Variants in STK36 observed in about 807,000 individuals in gnomAD.
STK36 encodes serine/threonine-protein kinase 36.
Under a neutral mutation model 142.2 loss-of-function variants are expected in STK36, and 116 were observed. The ratio of observed to expected loss-of-function variants is 0.82; its 90% CI spans 0.70 to 0.95. The LOEUF is 0.95. Among genes scored for constraint, STK36 ranks in the 40% least tolerant of loss-of-function variants. The pLI, the probability that STK36 is intolerant of heterozygous loss-of-function variation, is 0.00. For synonymous variants in STK36, 619 were observed against 641.7 expected, an observed-to-expected ratio of 0.96 and a Z score of 0.53; for missense variants, 1,422 against 1,617.2, an observed-to-expected ratio of 0.88 and a Z score of 2.07.
chr2:218,688,964 T>C (rs906167919), intron 12 of STK36, 88 bp downstream of exon 12: 2 of 1,330,520 alleles, frequency 1.5e-6, no homozygotes, highest in African/African-American at 1.5e-5. Context: ...CTCTTTGGTC[T>C]GACTGCCTTT....
chr2:218,674,533 C>T (rs1940146462), intron 4 of STK36, among the ~76,000 whole-genome samples: 1 of 152,196 alleles, frequency 6.6e-6, no homozygotes. Context: ...ATTATTGCAG[C>T]ATTCTCTTTC....
chr2:218,681,376 C>T (rs908437422), intron 10 of STK36, among the ~76,000 whole-genome samples: 2 of 152,216 alleles, frequency 1.3e-5, no homozygotes, highest in African/African-American at 4.8e-5. Flanking sequence ...ATCTGCCTGC[C>T]TCAGCCTCCC....
chr2:218,695,594 C>T (rs1385094196), intron 21 of STK36, among the ~76,000 whole-genome samples: 2 of 131,594 alleles, frequency 1.5e-5, no homozygotes, highest in Non-Finnish European at 3.0e-5. Flanking sequence ...AGTGTAGTGG[C>T]ACGATCTTGG....
chr2:218,673,388 C>A, intron 2 of STK36: 1 of 532,576 alleles, frequency 1.9e-6, no homozygotes, highest in Non-Finnish European at 3.2e-6. Context: ...AATCAGAACA[C>A]TTCTTCCAGA....
At position 218,679,242 on chromosome 2, in the gene STK36, T is replaced by G. The variant is rs756912511; in HGVS notation, c.759T>G (p.Phe253Leu). 7.0e-5 allele frequency: 113 copies of G among 1,614,074 alleles called. No individual in the cohort carries two copies. The highest frequency in any genetic ancestry group is 8.7e-5 in the Non-Finnish European group (103 of 1,180,034). The part of the protein sequence containing the change: ...LSWPDLLYHP[F>L]IAGHVTIITE... ...GGCCAGACCTCTTATATCACCCCTT[T>G]ATTGCTGGTCATGTCACCAGTGAGT... Residue 253 changes from phenylalanine to leucine, a missense_variant, in exon 7 of 27, where the codon TTT (phenylalanine) becomes TTG (leucine). Transcript: ENST00000295709.
Position 218,696,577 on chromosome 2 carries a change from C to T in STK36, c.2562C>T (p.Ile854=), listed in dbSNP as rs1242620732. Reference sequence around the variant, plus strand: ...GTGGATTCTATGATGGCCTCCTTATCCTTCTGTTGCAGCTCCTCACTGAGG... The same window carrying T: ...GTGGATTCTATGATGGCCTCCTTATTCTTCTGTTGCAGCTCCTCACTGAGG... ...GSCGFYDGLL[I]LLLQLLTEQG... The change falls in exon 22 of 27, where the codon ATC becomes ATT. Residue 854 remains isoleucine, a synonymous_variant. Transcript: ENST00000295709. 1 of 1,614,016 alleles carries T rather than the reference C, an allele frequency of 6.2e-7. No individual in the cohort carries two copies. Among genetic ancestry groups the T allele is most frequent in the South Asian group, 1.1e-5 (1 of 91,078 alleles).
At chr2:218,688,401 G>T (rs1262220729) in intron 11 of STK36, 1 of 556,444 alleles carries the variant, frequency 1.8e-6, no homozygotes, top group Non-Finnish European at 3.4e-6. Flanking sequence ...GTGAAGGGCT[G>T]GAGAAGGGAG....
intron 5 of STK36, 42 bp from the exon 6 acceptor site, chr2:218,675,987 A>G (rs1940223996): frequency 1.2e-6 from 2 of 1,607,806 alleles, no homozygotes; most frequent in Admixed American, 1.7e-5. Flanking sequence ...CAGGTTTAGA[A>G]TATCTTTTCC....
At position 218,694,248 on chromosome 2, in the gene STK36, T is replaced by G. The variant is rs1331095074; in HGVS notation, c.2337-16T>G. 1 of 1,608,822 alleles carries G rather than the reference T, an allele frequency of 6.2e-7. No homozygotes were observed. Among genetic ancestry groups the G allele is most frequent in the African/African-American group, 1.3e-5 (1 of 74,792 alleles). ...TTTAATACTGCTGCATCCCTTGATG[T>G]ATCTCTTTATTCCAGAATGGAGAAG... is the stretch of plus-strand genomic sequence containing the variant. On this transcript the variant is annotated splice_polypyrimidine_tract_variant and intron_variant, in intron 19 of 26. Transcript: ENST00000295709. The surrounding 1 kb of genome is among the most constrained non-coding windows in gnomAD (Gnocchi z 4.4).
intron 2 of STK36, chr2:218,673,264 T>G: frequency 2.7e-6 from 1 of 366,848 alleles, no homozygotes; most frequent in Non-Finnish European, 4.9e-6. Flanking sequence ...ACAACAAATA[T>G]TATTAGTCTC....
intron 25 of STK36, among the ~76,000 whole-genome samples, 178 bp downstream of exon 25, chr2:218,698,179 G>C (rs192841646): frequency 4.5e-4 from 69 of 152,314 alleles, no homozygotes; most frequent in African/African-American, 1.6e-3. Flanking sequence ...GAGGCATGTG[G>C]TGGGAGCTGG....
chr2:218,699,662 G>A (rs915991325), intron 26 of STK36, among the ~76,000 whole-genome samples: 7 of 151,980 alleles, frequency 4.6e-5, no homozygotes, highest in African/African-American at 1.7e-4. Flanking sequence ...GTTTTACTCT[G>A]TGTGCCATGA....
Position 218,692,274 on chromosome 2 carries a change from C to T in STK36, c.1896C>T (p.Leu632=). 1.2e-6 allele frequency: 2 copies of T among 1,614,190 alleles called. No individual in the cohort carries two copies. The highest frequency in any genetic ancestry group is 1.7e-6 in the Non-Finnish European group (2 of 1,180,044). The change falls in exon 15 of 27, where the codon CTC becomes CTT. Residue 632 remains leucine, a synonymous_variant. Coordinates refer to ENST00000295709, the MANE Select transcript of STK36 (RefSeq NM_015690.5). ...GLLHGLTVPQ[L]PVHTPQGAPQ... ...TTCATGGCTTGACAGTTCCACAGCT[C>T]CCTGTCCACACTCCCCAAGGTAACC...
intron 17 of STK36, 111 bp from the exon 18 acceptor site, chr2:218,693,612 A>G (rs1941100318): frequency 1.9e-6 from 2 of 1,050,074 alleles, no homozygotes; most frequent in African/African-American, 1.6e-5. Flanking sequence ...CACACTCCCA[A>G]GTGTGGGTAC....
At position 218,685,372 on chromosome 2, in the gene STK36, C is replaced by T. The variant is rs999235717; in HGVS notation, c.1380+144C>T. 31 of 1,077,542 alleles carry T rather than the reference C, an allele frequency of 2.9e-5. No homozygotes were observed. The East Asian group carries it at 5.6e-4, about 20-fold the overall frequency. 66.7% of individuals were successfully genotyped at this position (1,077,542 alleles called of 1,614,324 possible). On this transcript the variant is annotated intron_variant, in intron 11 of 26. Transcript: ENST00000295709. ...TGCTTAGTTTGAGGAGGTTTACCAA[C>T]CTCCTTTAGTAACACAGAAAGAGCA...
At position 218,672,108 on chromosome 2, in the gene STK36, G is replaced by T; in HGVS notation, c.-197G>T. 9.5e-7 allele frequency: 1 copy of T among 1,049,746 alleles called. No individual in the cohort carries two copies. Among genetic ancestry groups the T allele is most frequent in the Non-Finnish European group, 1.4e-6 (1 of 699,498 alleles). 65.0% of individuals were successfully genotyped at this position (1,049,746 alleles called of 1,614,324 possible). A position where few individuals can be genotyped will look rare whatever the true frequency, so the allele number is the denominator to read the frequency against. ...CTTAGCCGGGCCTGATGGCCCTGAG[G>T]CAGTTCGGATGTGTCCCAGGAAGTG... On this transcript the variant is annotated 5_prime_UTR_variant, in exon 1 of 27. Transcript: ENST00000295709.
intron 12 of STK36, 115 bp downstream of exon 12, chr2:218,688,991 C>G (rs1940890340): frequency 2.7e-6 from 3 of 1,106,396 alleles, no homozygotes; most frequent in African/African-American, 1.6e-5. Flanking sequence ...CTTTCCTCCT[C>G]TTTCTAGTTA....
At chr2:218,696,744 C>A in intron 22 of STK36, 143 bp downstream of exon 22, 1 of 984,382 alleles carries the variant, frequency 1.0e-6, no homozygotes, top group Non-Finnish European at 1.6e-6. Flanking sequence ...GGAACTTCCC[C>A]GCCTGCCCTC....
At position 218,697,995 on chromosome 2, in the gene STK36, G is replaced by C. The variant is rs146875192; in HGVS notation, c.3051G>C (p.Leu1017=). The change falls in exon 25 of 27, where the codon CTG becomes CTC. Residue 1017 remains leucine, a synonymous_variant. Coordinates refer to ENST00000295709, the MANE Select transcript of STK36 (RefSeq NM_015690.5). ...GGGACTCAGAAGTTGCAGCCCATCT[G>C]CTGCAGGTACTTGGGCAGCTAGCAT... ...DLRDSEVAAH[L]LQVCCYHLPL... 5.0e-6 allele frequency: 8 copies of C among 1,614,030 alleles called. No homozygotes were observed. Among genetic ancestry groups the C allele is most frequent in the Non-Finnish European group, 6.8e-6 (8 of 1,180,040 alleles).
Sources: allele counts gnomAD v4.1 joint callset (sites outside exome capture counted in the v4.1 genomes callset), GRCh38; gene constraint gnomAD v4.1.1; non-coding constraint Gnocchi (gnomAD v3.1); transcripts MANE v1.5; gene names NCBI Gene and HGNC (gene_info 2026-07-23, HGNC 2026-07-21).